The following DEUP1 variants were observed in gnomAD, a reference collection of about 807,000 sequenced individuals.
DEUP1 encodes the protein deuterosome assembly protein 1, also known as coiled-coil domain containing 67.
In DEUP1, 82 loss-of-function variants were observed where a neutral mutation model predicts 87.4. The observed-to-expected ratio is 0.94, with a 90% CI of 0.78 to 1.13. DEUP1 has a LOEUF of 1.13. Among genes scored for constraint, DEUP1 ranks in the 50% most tolerant of loss-of-function variants. The pLI, the probability that DEUP1 is intolerant of heterozygous loss-of-function variation, is 0.00. For missense variants in DEUP1, 663 were observed against 681.5 expected (o/e 0.97, Z 0.30); for synonymous variants, 214 against 222.7 (o/e 0.96, Z 0.35).
At chr11:93,435,498 A>G (rs115710234) in intron 13 of DEUP1, among the ~76,000 whole-genome samples, 392 of 152,320 alleles carry the variant, frequency 2.6e-3, no homozygotes, top group African/African-American at 9.0e-3. Flanking sequence ...TACAGATAGC[A>G]TAGCCTTGTT....
intron 7 of DEUP1, chr11:93,383,695 T>C: frequency 1.8e-6 from 1 of 564,682 alleles, no homozygotes; most frequent in Non-Finnish European, 3.1e-6. Flanking sequence ...TATCTATATA[T>C]TAAGAATTAT....
intron 11 of DEUP1, among the ~76,000 whole-genome samples, chr11:93,397,180 C>G (rs1465141725): frequency 6.6e-6 from 1 of 152,148 alleles, no homozygotes; most frequent in Non-Finnish European, 1.5e-5. Context: ...ATTAGACATT[C>G]TCCATTGGCC....
At chr11:93,409,516 C>T (rs1947375812) in intron 12 of DEUP1, among the ~76,000 whole-genome samples, 1 of 152,036 alleles carries the variant, frequency 6.6e-6, no homozygotes, top group Non-Finnish European at 1.5e-5. Flanking sequence ...TGTGATTGTC[C>T]AACAAGGGAT....
upstream of DEUP1, chr11:93,330,077 T>G (rs1004873046): frequency 6.6e-6 from 1 of 152,224 alleles, no homozygotes; most frequent in Non-Finnish European, 1.5e-5. Context: ...CCCATCGCGC[T>G]TGACGGGAAA....
At chr11:93,418,137 T>C (rs1416644553) in intron 13 of DEUP1, among the ~76,000 whole-genome samples, 1 of 151,978 alleles carries the variant, frequency 6.6e-6, no homozygotes, top group African/African-American at 2.4e-5. Context: ...ACTTCATGTC[T>C]AAAACACCAA....
At chr11:93,403,640 T>A (rs963468829) in intron 11 of DEUP1, among the ~76,000 whole-genome samples, 2 of 151,778 alleles carry the variant, frequency 1.3e-5, no homozygotes, top group African/African-American at 2.4e-5. Context: ...GCTTTTGGAT[T>A]TATTATTCTT....
At chr11:93,348,172 G>A (rs1346851872) in intron 2 of DEUP1, among the ~76,000 whole-genome samples, 2 of 152,168 alleles carry the variant, frequency 1.3e-5, no homozygotes, top group Non-Finnish European at 2.9e-5. Flanking sequence ...TTGTATTTCT[G>A]TGGAGTCAGT....
chr11:93,417,626 G>A (rs1316663187), intron 13 of DEUP1, among the ~76,000 whole-genome samples: 3 of 151,870 alleles, frequency 2.0e-5, no homozygotes, highest in African/African-American at 2.4e-5. Context: ...TATAGATTCA[G>A]TGCCATCCCC....
At chr11:93,415,822 T>C (rs1947602463) in intron 13 of DEUP1, among the ~76,000 whole-genome samples, 1 of 152,150 alleles carries the variant, frequency 6.6e-6, no homozygotes, top group Non-Finnish European at 1.5e-5. Context: ...TAGTTTATTT[T>C]TGTTTCTCTA....
intron 13 of DEUP1, among the ~76,000 whole-genome samples, chr11:93,435,825 T>G (rs1304334589): frequency 2.0e-5 from 3 of 152,006 alleles, no homozygotes; most frequent in Non-Finnish European, 2.9e-5. Context: ...TGAAACCCCG[T>G]CTCTACTAAA....
intron 2 of DEUP1, among the ~76,000 whole-genome samples, chr11:93,339,244 C>G (rs1409676474): frequency 2.0e-5 from 3 of 152,154 alleles, no homozygotes; most frequent in Non-Finnish European, 4.4e-5. Context: ...TATGGCATAG[C>G]CATTTATGGG....
At chr11:93,365,976 T>C (rs748958494) in intron 5 of DEUP1, among the ~76,000 whole-genome samples, 16 of 152,212 alleles carry the variant, frequency 1.1e-4, no homozygotes, top group Non-Finnish European at 1.8e-4. Context: ...CTTGCCTGAC[T>C]CATGTGTTTG....
chr11:93,332,034 C>G (rs1943517312), intron 1 of DEUP1, among the ~76,000 whole-genome samples, 182 bp from the exon 2 acceptor site: 1 of 152,134 alleles, frequency 6.6e-6, no homozygotes, highest in Non-Finnish European at 1.5e-5. Context: ...GAGCTAGACT[C>G]CGTCTCAAAA....
intron 2 of DEUP1, among the ~76,000 whole-genome samples, chr11:93,349,415 C>A (rs1215557633): frequency 6.8e-5 from 2 of 29,626 alleles, no homozygotes; most frequent in East Asian, 1.9e-3. Context: ...AATGTGATAT[C>A]TGCTTTACCC....
Position 93,333,325 on chromosome 11 carries a change from T to C in DEUP1, c.29+1037T>C, listed in dbSNP as rs1240225712. ...GGTTTGGCAACTCTGCCATCTTCAT[T>C]AATGATTTCTATCTCTAGGACCAAA... On this transcript the variant is annotated intron_variant, in intron 2 of 13. Transcript: ENST00000298050. Among the ~76,000 whole-genome samples, 7 of 152,198 alleles carry C rather than the reference T, an allele frequency of 4.6e-5. No homozygotes were observed. In the East Asian group the frequency reaches 1.2e-3, roughly 25 times the overall value.
At chr11:93,338,885 A>G (rs912599885) in intron 2 of DEUP1, among the ~76,000 whole-genome samples, 2 of 152,224 alleles carry the variant, frequency 1.3e-5, no homozygotes, top group Non-Finnish European at 2.9e-5. Context: ...GTGTGAAAAA[A>G]TGAAGAGAAT....
chr11:93,341,280 G>A (rs1221708875), intron 2 of DEUP1, among the ~76,000 whole-genome samples: 4 of 151,822 alleles, frequency 2.6e-5, no homozygotes, highest in African/African-American at 7.3e-5. Flanking sequence ...TTAGCTGGGT[G>A]TGGTGGCACA....
At chr11:93,358,543 C>T (rs1045273689) in intron 4 of DEUP1, among the ~76,000 whole-genome samples, 13 of 152,084 alleles carry the variant, frequency 8.5e-5, no homozygotes, top group African/African-American at 2.9e-4. Flanking sequence ...TCCAATCCAT[C>T]GTGTTCCAAA....
intron 4 of DEUP1, among the ~76,000 whole-genome samples, chr11:93,359,978 TCTA>T (rs1223299718): frequency 2.6e-5 from 4 of 151,990 alleles, no homozygotes; most frequent in Non-Finnish European, 5.9e-5. Flanking sequence ...AGCCTGGACT[TCTA>T]CACCTACCTG....
Sources: gnomAD v4.1 joint callset for allele counts (sites outside exome capture counted in the v4.1 genomes callset) on GRCh38, gnomAD v4.1.1 for gene constraint, MANE v1.5 for transcripts, NCBI Gene and HGNC (gene_info 2026-07-23, HGNC 2026-07-21) for gene names.